SDK1: variants seen among roughly 807,000 people sequenced by gnomAD.
SDK1 encodes the protein sidekick cell adhesion molecule 1, also known as protein sidekick-1.
In SDK1, 157 loss-of-function variants were observed where a neutral mutation model predicts 245.5. The ratio of observed to expected loss-of-function variants is 0.64; its 90% CI spans 0.56 to 0.73. The LOEUF is 0.73. Among genes scored for constraint, SDK1 ranks in the 30% least tolerant of loss-of-function variants. The pLI, the probability that SDK1 is intolerant of heterozygous loss-of-function variation, is 0.00. For missense variants in SDK1, 3,583 were observed against 3,002.3 expected, an observed-to-expected ratio of 1.19 and a Z score of -4.52; for synonymous variants, 1,647 against 1,278.5, an observed-to-expected ratio of 1.29 and a Z score of -6.15.
Position 3,974,462 on chromosome 7 carries a change from G to T in SDK1, c.1911G>T (p.Thr637=), listed in dbSNP as rs756827178. The T allele has an allele frequency of 1.9e-6, 3 of 1,614,066 alleles. No individual in the cohort carries two copies. Among genetic ancestry groups the T allele is most frequent in the South Asian group, 2.2e-5 (2 of 91,078 alleles). ...EKDGSLLISQ[T]WSGDIGDYSC... ...ACGGGTCCCTTCTCATCAGCCAGAC[G>T]TGGTCAGGCGACATCGGTGACTACA... Residue 637 remains threonine (T), a synonymous_variant, in exon 13 of 45, where the codon ACG becomes ACT. Transcript: ENST00000404826.
intron 5 of SDK1, among the ~76,000 whole-genome samples, chr7:3,835,876 T>G (rs1255180593): frequency 6.6e-6 from 1 of 152,210 alleles, no homozygotes; most frequent in Non-Finnish European, 1.5e-5. Flanking sequence ...TTCTGCCACT[T>G]ACATTTTCAA....
chr7:4,158,606 A>T lies in SDK1; in HGVS notation c.4729+55A>T, dbSNP rs569282836. On this transcript the variant is annotated intron_variant, in intron 31 of 44. Coordinates refer to ENST00000404826, the MANE Select transcript of SDK1 (RefSeq NM_152744.4). ...CTGGCCGCTGCCCCTGGAGCCCGAG[A>T]TACTTAGGCCACACTTTCGTCTTGA... 96 of 1,312,552 alleles carry T rather than the reference A, an allele frequency of 7.3e-5. No individual in the cohort carries two copies. In the East Asian group the frequency reaches 1.9e-3, roughly 26 times the overall value. 81.3% of individuals were successfully genotyped at this position (1,312,552 alleles called of 1,614,324 possible).
rs563965548 is a variant in SDK1, at chr7:3,502,450, A to G, written c.299-116630A>G. Among the ~76,000 whole-genome samples the G allele has an allele frequency of 2.5e-3, 375 of 152,178 alleles. 3 individuals carry two copies. The highest frequency in any genetic ancestry group is 0.018 in the South Asian group (87 of 4,824). On this transcript the variant is annotated intron_variant, in intron 1 of 44. Transcript: ENST00000404826. ...TTTTTTGTAGAGATGGGGTTTCCCT[A>G]TGTTGGCCAGGCTGATCTTGAACTC...
chr7:4,115,070 C>T (rs1783615374), intron 25 of SDK1, among the ~76,000 whole-genome samples: 1 of 152,180 alleles, frequency 6.6e-6, no homozygotes, highest in Non-Finnish European at 1.5e-5. Flanking sequence ...AACTGTGGGT[C>T]ATAGGAGCTT....
chr7:3,488,050 C>T (rs1358366819), intron 1 of SDK1, among the ~76,000 whole-genome samples: 1 of 152,106 alleles, frequency 6.6e-6, no homozygotes, highest in Non-Finnish European at 1.5e-5. Context: ...CTTGTTTCCC[C>T]CACACCTTTC....
At chr7:3,956,907 C>T (rs1046207297) in intron 7 of SDK1, among the ~76,000 whole-genome samples, 3 of 152,170 alleles carry the variant, frequency 2.0e-5, no homozygotes, top group Non-Finnish European at 4.4e-5. Flanking sequence ...CTTCCTGGCA[C>T]TCGAGGGAAG....
intron 1 of SDK1, among the ~76,000 whole-genome samples, chr7:3,440,639 T>C (rs1160518348): frequency 1.3e-5 from 2 of 152,136 alleles, no homozygotes; most frequent in African/African-American, 2.4e-5. Flanking sequence ...AGAGAGAAGA[T>C]AGAAAGTGCT....
At chr7:4,235,502 C>G (rs1786102962) in intron 41 of SDK1, among the ~76,000 whole-genome samples, 2 of 152,136 alleles carry the variant, frequency 1.3e-5, no homozygotes, top group Admixed American at 1.3e-4. Flanking sequence ...TTAGAAAAAG[C>G]ACAGATTTCT....
intron 35 of SDK1, among the ~76,000 whole-genome samples, chr7:4,184,717 T>A (rs1363666518): frequency 1.3e-5 from 2 of 152,212 alleles, no homozygotes; most frequent in Non-Finnish European, 2.9e-5. Context: ...GTAAAAATAA[T>A]CCATCGGTAA....
chr7:3,569,006 G>GT (rs5881992), intron 1 of SDK1, among the ~76,000 whole-genome samples: 94,616 of 143,484 alleles, frequency 0.66, 31,193 homozygotes, highest in South Asian at 0.78. Context: ...TGTGGCATAT[G>GT]TTTTTTTTTT....
chr7:4,212,938 C>T (rs1784581387), intron 38 of SDK1, among the ~76,000 whole-genome samples: 1 of 152,150 alleles, frequency 6.6e-6, no homozygotes, highest in South Asian at 2.1e-4. Flanking sequence ...GTGGAAACTC[C>T]ATGGTGTGTG....
At chr7:4,027,045 G>C (rs1344414832) in intron 17 of SDK1, among the ~76,000 whole-genome samples, 1 of 152,198 alleles carries the variant, frequency 6.6e-6, no homozygotes, top group African/African-American at 2.4e-5. Flanking sequence ...GTGTGCTGTT[G>C]TGCAGGACGT....
chr7:3,929,710 C>A (rs370295888), intron 5 of SDK1, among the ~76,000 whole-genome samples: 1 of 152,024 alleles, frequency 6.6e-6, no homozygotes, highest in Non-Finnish European at 1.5e-5. Context: ...GAGATTTGAT[C>A]CAGCCCTTGA....
In SDK1 at chr7:4,118,405, C is replaced by G. The variant is rs184125165; in HGVS notation, c.3823+4131C>G. ...ACTTCACACTCCTAAAATAAGATGG[C>G]TAAAATAAGAAAAGTTGGACAATAA... On this transcript the variant is annotated intron_variant, in intron 25 of 44. Transcript: ENST00000404826. Among the ~76,000 whole-genome samples the G allele has an allele frequency of 4.0e-3, 602 of 152,218 alleles. 18 individuals carry two copies. In the South Asian group the frequency reaches 0.081, roughly 20 times the overall value.
At chr7:3,964,988 A>C (rs1781984129) in intron 9 of SDK1, among the ~76,000 whole-genome samples, 1 of 152,176 alleles carries the variant, frequency 6.6e-6, no homozygotes, top group African/African-American at 2.4e-5. Flanking sequence ...GTCTTGATTG[A>C]TTAGAATTAT....
chr7:3,572,587 A>G (rs1293200729), intron 1 of SDK1, among the ~76,000 whole-genome samples: 1 of 152,034 alleles, frequency 6.6e-6, no homozygotes, highest in Non-Finnish European at 1.5e-5. Context: ...GTGTGAGCCC[A>G]ATGCATGGTG....
chr7:3,927,875 G>A (rs570418863), intron 5 of SDK1, among the ~76,000 whole-genome samples: 7 of 152,334 alleles, frequency 4.6e-5, no homozygotes, highest in Middle Eastern at 3.4e-3. Context: ...ACAAATGGTT[G>A]TTCCTCACCG....
At chr7:3,493,797 G>C (rs1781938339) in intron 1 of SDK1, among the ~76,000 whole-genome samples, 2 of 152,144 alleles carry the variant, frequency 1.3e-5, no homozygotes, top group Admixed American at 6.5e-5. Context: ...CATTGGATTT[G>C]CTATAGTAGA....
intron 32 of SDK1, among the ~76,000 whole-genome samples, chr7:4,168,729 C>T (rs982470682): frequency 2.6e-5 from 4 of 152,218 alleles, no homozygotes; most frequent in Non-Finnish European, 2.9e-5. Flanking sequence ...CAGGTCTATT[C>T]TGGGGCGAGA....
Sources: gnomAD v4.1 joint callset for allele counts (sites outside exome capture counted in the v4.1 genomes callset) on GRCh38, gnomAD v4.1.1 for gene constraint, MANE v1.5 for transcripts, NCBI Gene and HGNC (gene_info 2026-07-23, HGNC 2026-07-21) for gene names.